HMCN2: variants seen among roughly 807,000 people sequenced by gnomAD.
HMCN2 encodes the protein hemicentin 2.
HMCN2 carries 325 observed loss-of-function variants against 377.5 expected under a neutral mutation model. That is an observed-to-expected ratio of 0.86 (90% CI 0.79 to 0.94). The LOEUF (loss-of-function observed/expected upper bound fraction) is 0.94. HMCN2 is among the 40% of genes least tolerant of loss of function. The pLI is 0.00. For synonymous variants in HMCN2, 2,007 were observed against 2,046.8 expected, an observed-to-expected ratio of 0.98 and a Z score of 0.53; for missense variants, 4,543 against 4,725.3, an observed-to-expected ratio of 0.96 and a Z score of 1.13.
intron 71 of HMCN2, among the ~76,000 whole-genome samples, chr9:130,395,629 A>T (rs1842571238): frequency 1.3e-5 from 2 of 152,282 alleles, no homozygotes; most frequent in Non-Finnish European, 2.9e-5. Context: ...TGTGGCCTGG[A>T]CCGGTGACCA....
At chr9:130,298,219 G>T (rs1836274049) in intron 7 of HMCN2, among the ~76,000 whole-genome samples, 4 of 152,100 alleles carry the variant, frequency 2.6e-5, no homozygotes, top group Admixed American at 2.6e-4. Context: ...CTCCCAAAGT[G>T]CTGGGATTAC....
At position 130,354,943 on chromosome 9, in the gene HMCN2, T is replaced by C; in HGVS notation, c.5045T>C (p.Leu1682Pro). The C allele has an allele frequency of 7.7e-7, 1 of 1,303,392 alleles. No homozygotes were observed. The highest frequency in any genetic ancestry group is 1.0e-6 in the Non-Finnish European group (1 of 988,920). 80.7% of individuals were successfully genotyped at this position (1,303,392 alleles called of 1,614,324 possible). The change falls in exon 32 of 98, where the codon CTG (leucine) becomes CCG (proline). Residue 1682 changes from leucine (L) to proline (P), a missense_variant. Leu to Pro is a moderately conservative substitution (Grantham distance 98). Around this residue, in one of 5 missense-constraint regions of HMCN2, gnomAD observed 1,032 missense variants for 1,285.1 expected, o/e 0.80. Transcript: ENST00000683500. ...CGGCTGGAGACAGACGGGAGTGTGC[T>C]GAGGCTGGAGAGCCCGGGGGAGGCA... ...ESRLETDGSV[L>P]RLESPGEASS...
chr9:130,371,130 A>C lies in HMCN2; in HGVS notation c.7236A>C (p.Ala2412=), dbSNP rs550219278. 1.0e-6 allele frequency: 1 copy of C among 985,886 alleles called. No homozygotes were observed. Among genetic ancestry groups the C allele is most frequent in the African/African-American group, 1.7e-5 (1 of 57,364 alleles). The allele number at this position is 985,886 out of a possible 1,614,324, so 61.1% of individuals were successfully genotyped here. ...VSPGEDTYLL[A]GGWMLKMTQT... is the part of the protein sequence containing the mutation. ...CCGGGGAGGACACCTACCTGCTGGC[A>C]GGTAAGATACCAGCTAAGGTTGGAT... The change falls in exon 46 of 98, where the codon GCA becomes GCC. Residue 2412 remains alanine (A), a splice_region_variant and synonymous_variant. Coordinates refer to ENST00000683500, the MANE Select transcript of HMCN2 (RefSeq NM_001291815.2).
intron 4 of HMCN2, among the ~76,000 whole-genome samples, chr9:130,288,070 C>T: frequency 6.6e-6 from 1 of 152,200 alleles, no homozygotes; most frequent in Non-Finnish European, 1.5e-5. Flanking sequence ...AGGCATTTTA[C>T]AGTGGAAGGA....
rs754600846 is a variant in HMCN2, at chr9:130,403,868, G to A, written c.12141G>A (p.Val4047=). 7.8e-7 allele frequency: 1 copy of A among 1,289,390 alleles called. No homozygotes were observed. 79.9% of individuals were successfully genotyped at this position (1,289,390 alleles called of 1,614,324 possible). A position where few individuals can be genotyped will look rare whatever the true frequency, so the allele number is the denominator to read the frequency against. The change falls in exon 80 of 98, where the codon GTG becomes GTA. Residue 4047 remains valine (V), a synonymous_variant. Coordinates refer to ENST00000683500, the MANE Select transcript of HMCN2 (RefSeq NM_001291815.2). ...AGSAMGKTRL[V]VQVPPVIENG... The stretch of plus-strand genomic sequence containing the variant: ...GTGCCATGGGGAAGACGCGGCTGGT[G>A]GTGCAAGGTGGGAGTGAGGACGGGG...
At chr9:130,350,613 G>A (rs1487557786) in intron 29 of HMCN2, among the ~76,000 whole-genome samples, 2 of 151,702 alleles carry the variant, frequency 1.3e-5, no homozygotes, top group Non-Finnish European at 2.9e-5. Context: ...TGGGCCAGGT[G>A]CAGTGGCTCA....
rs1484952077 is a variant in HMCN2 at position 130,403,290 on chromosome 9, C to A, written c.11975C>A (p.Thr3992Asn). Reference sequence around the variant, plus strand: ...GAGGCCTCAGGCATCCCCCGGCCGACCATCACCTGGCAGAAGGAAGGGCTC... The same window carrying A: ...GAGGCCTCAGGCATCCCCCGGCCGAACATCACCTGGCAGAAGGAAGGGCTC... ...PCEASGIPRP[T>N]ITWQKEGLNV... The change falls in exon 79 of 98, where the codon ACC becomes AAC. Residue 3992 changes from threonine (T) to asparagine (N), a missense_variant. Physicochemically the swap from Thr to Asn is moderately conservative, Grantham distance 65 (BLOSUM62 0). Coordinates refer to ENST00000683500, the MANE Select transcript of HMCN2 (RefSeq NM_001291815.2). 1 of 1,289,858 alleles carries A rather than the reference C, an allele frequency of 7.8e-7. No homozygotes were observed. Among genetic ancestry groups the A allele is most frequent in the Non-Finnish European group, 1.0e-6 (1 of 988,886 alleles). The allele number at this position is 1,289,858 out of a possible 1,614,324, so 79.9% of individuals were successfully genotyped here. A position where few individuals can be genotyped will look rare whatever the true frequency, so the allele number is the denominator to read the frequency against.
chr9:130,365,408 C>T (rs1210446583), intron 41 of HMCN2, among the ~76,000 whole-genome samples: 1 of 152,250 alleles, frequency 6.6e-6, no homozygotes, highest in African/African-American at 2.4e-5. Context: ...GGGAGGCTGG[C>T]AGGACTGCCA....
intron 1 of HMCN2, among the ~76,000 whole-genome samples, chr9:130,270,295 G>T (rs556927374): frequency 0.035 from 1,655 of 47,292 alleles, 80 homozygotes; most frequent in African/African-American, 0.045. Flanking sequence ...TTGTTTGTTT[G>T]TTTTTTTTTT....
At chr9:130,357,606 T>C (rs1840111572) in intron 34 of HMCN2, among the ~76,000 whole-genome samples, 1 of 151,930 alleles carries the variant, frequency 6.6e-6, no homozygotes, top group African/African-American at 2.4e-5. Flanking sequence ...GGTGCACAGA[T>C]GGTTGGGAGA....
Position 130,364,714 on chromosome 9 carries a change from T to C in HMCN2, c.6233T>C (p.Met2078Thr). 1 of 986,052 alleles carries C rather than the reference T, an allele frequency of 1.0e-6. No individual in the cohort carries two copies. The highest frequency in any genetic ancestry group is 1.2e-6 in the Non-Finnish European group (1 of 830,098). The allele number at this position is 986,052 out of a possible 1,614,324, so 61.1% of individuals were successfully genotyped here. A position where few individuals can be genotyped will look rare whatever the true frequency, so the allele number is the denominator to read the frequency against. ...GCCCTTCTCCTGCCCCCTCCTGCAG[T>C]GCCCCCGAGTATCCTTGGAGAAGAG... Reference protein sequence around the residue: ...DRQDVVLQVHMPPSILGEELN... With the variant: ...DRQDVVLQVHTPPSILGEELN... Residue 2078 changes from methionine to threonine, a missense_variant and splice_region_variant, in exon 41 of 98, where the codon ATG (methionine) becomes ACG (threonine). By Grantham distance (81) the Met-to-Thr change is moderately conservative (BLOSUM62 -1). Coordinates refer to ENST00000683500, the MANE Select transcript of HMCN2 (RefSeq NM_001291815.2).
At chr9:130,432,119 C>G (rs763241153) in intron 96 of HMCN2, among the ~76,000 whole-genome samples, 21 of 152,232 alleles carry the variant, frequency 1.4e-4, no homozygotes, top group Non-Finnish European at 2.8e-4. Flanking sequence ...AGTGGGCACT[C>G]TGGGTCTTCG....
chr9:130,276,581 C>G (rs767284777), intron 1 of HMCN2, among the ~76,000 whole-genome samples: 1 of 152,116 alleles, frequency 6.6e-6, no homozygotes, highest in Non-Finnish European at 1.5e-5. Context: ...GAGGAGGCCC[C>G]GAGGAGAGTT....
In HMCN2 at chr9:130,393,661, A is replaced by G; in HGVS notation, c.10235-81A>G. On this transcript the variant is annotated intron_variant, in intron 67 of 97. Coordinates refer to ENST00000683500, the MANE Select transcript of HMCN2 (RefSeq NM_001291815.2). The surrounding 1 kb of genome is among the most constrained non-coding windows in gnomAD (Gnocchi z 5.2). ...TTGGGGGACCAGGGCGGCTTCCTGG[A>G]AGAGGTGATGTCTAAGCTGAGTACT... 1.7e-6 allele frequency: 2 copies of G among 1,163,726 alleles called. No homozygotes were observed. Among genetic ancestry groups the G allele is most frequent in the Non-Finnish European group, 1.1e-6 (1 of 925,006 alleles). The allele number at this position is 1,163,726 out of a possible 1,614,324, so 72.1% of individuals were successfully genotyped here.
intron 7 of HMCN2, 82 bp downstream of exon 7, chr9:130,296,876 T>G: frequency 6.8e-6 from 3 of 440,514 alleles, no homozygotes; most frequent in Non-Finnish European, 1.4e-5. Flanking sequence ...GGGGGAGGTG[T>G]GGGGGGAATG....
At chr9:130,318,837 C>CA (rs1588234601) in intron 15 of HMCN2, among the ~76,000 whole-genome samples, 2 of 152,128 alleles carry the variant, frequency 1.3e-5, no homozygotes, top group African/African-American at 4.8e-5. Context: ...CTGCTCTTTC[C>CA]AAAAAAGTTC....
chr9:130,302,556 AACCACAAAAGCCCCAGGAGCTGTGC>A (rs1368126630), intron 8 of HMCN2, among the ~76,000 whole-genome samples: 19 of 152,178 alleles, frequency 1.2e-4, no homozygotes. Flanking sequence ...TAGTCTAATA[AACCACAAAAGCCCCAGGAGCTGTGC>A]CTAGGGGAGC....
intron 4 of HMCN2, among the ~76,000 whole-genome samples, chr9:130,288,193 G>A (rs781961362): frequency 3.0e-4 from 46 of 152,284 alleles, no homozygotes; most frequent in Admixed American, 7.8e-4. Context: ...GGGGCCACTC[G>A]CCCAGGTGTG....
At chr9:130,336,168 T>C (rs1375533473) in intron 22 of HMCN2, among the ~76,000 whole-genome samples, 1 of 152,028 alleles carries the variant, frequency 6.6e-6, no homozygotes, top group Non-Finnish European at 1.5e-5. Flanking sequence ...GAGATAAAGA[T>C]CTGAATGTTT....
Sources: allele counts gnomAD v4.1 joint callset (sites outside exome capture counted in the v4.1 genomes callset), GRCh38; gene constraint gnomAD v4.1.1; regional missense constraint gnomAD v4.1.1; non-coding constraint Gnocchi (gnomAD v3.1); transcripts MANE v1.5; gene names NCBI Gene and HGNC (gene_info 2026-07-23, HGNC 2026-07-21).